Variants in MYO6 observed in about 807,000 individuals in gnomAD.
MYO6 encodes the protein myosin VI, also known as unconventional myosin-VI.
In MYO6, 74 loss-of-function variants were observed where a neutral mutation model predicts 178.7. The observed-to-expected ratio is 0.41, with a 90% confidence interval of 0.34 to 0.50. The LOEUF is 0.50. Ranked by LOEUF, MYO6 falls within the 20% of genes least tolerant of loss-of-function variation. MYO6 has a pLI of 0.09. For missense variants in MYO6, 1,330 were observed against 1,547.4 expected, an observed-to-expected ratio of 0.86 and a Z score of 2.36; for synonymous variants, 477 against 504.6, an observed-to-expected ratio of 0.95 and a Z score of 0.73.
chr6:75,855,362 A>G, intron 12 of MYO6, 79 bp downstream of exon 12: 1 of 1,427,684 alleles, frequency 7.0e-7, no homozygotes, highest in Non-Finnish European at 9.7e-7. Context: ...CATTCTGTTT[A>G]AAACCTGAGC....
chr6:75,841,408 G>A (rs1305198531), intron 9 of MYO6, 30 bp downstream of exon 9: 17 of 1,603,982 alleles, frequency 1.1e-5, no homozygotes, highest in Non-Finnish European at 1.4e-5. Context: ...ATTTCATATA[G>A]CCAGGTGCAG....
intron 20 of MYO6, among the ~76,000 whole-genome samples, chr6:75,879,340 G>C (rs975026043): frequency 6.6e-6 from 1 of 151,904 alleles, no homozygotes; most frequent in Non-Finnish European, 1.5e-5. Context: ...ACCTCCTTTG[G>C]CTCAGATGAT....
Position 75,770,135 on chromosome 6 carries a change from C to T in MYO6, c.-48+20712C>T, listed in dbSNP as rs115714617. On this transcript the variant is annotated intron_variant, in intron 1 of 34. Coordinates refer to ENST00000369977, the MANE Select transcript of MYO6 (RefSeq NM_004999.4). ...CTCTTGCTTCGTCTTCTTGCTTCTGCTCTCACCATGTAACACCACCCACTC... is the reference window on the plus strand; with the variant it reads ...CTCTTGCTTCGTCTTCTTGCTTCTGTTCTCACCATGTAACACCACCCACTC... 4.2e-3 allele frequency among the ~76,000 whole-genome samples: 643 copies of T among 152,310 alleles called. 8 individuals carry two copies. Among genetic ancestry groups the T allele is most frequent in the African/African-American group, 0.015 (606 of 41,562 alleles).
chr6:75,900,285 G>C, intron 30 of MYO6, among the ~76,000 whole-genome samples: 1 of 152,060 alleles, frequency 6.6e-6, no homozygotes, highest in Non-Finnish European at 1.5e-5. Context: ...GGTATTTCTA[G>C]TTCTAGATCC....
chr6:75,767,707 G>A (rs1424495944), intron 1 of MYO6, among the ~76,000 whole-genome samples: 1 of 151,538 alleles, frequency 6.6e-6, no homozygotes, highest in African/African-American at 2.4e-5. Context: ...TTGTAGTCAG[G>A]CTTTTGCCAT....
chr6:75,849,041 C>T (rs1269766278), intron 11 of MYO6, among the ~76,000 whole-genome samples: 1 of 152,168 alleles, frequency 6.6e-6, no homozygotes, highest in Non-Finnish European at 1.5e-5. Context: ...AGCAACTTTT[C>T]AACTCCAGTG....
In MYO6 at chr6:75,906,693, A is replaced by G. The variant is rs189706040; in HGVS notation, c.3177-912A>G. 2.8e-4 allele frequency among the ~76,000 whole-genome samples: 43 copies of G among 152,214 alleles called. 1 individual carries two copies. The highest frequency in any genetic ancestry group is 9.6e-4 in the African/African-American group (40 of 41,512). Reference sequence around the variant, plus strand: ...CCCTTCTCAAAAAAAACAAAAAACAAAAAACAAACAAAACGCAAAACCAAA... The same window carrying G: ...CCCTTCTCAAAAAAAACAAAAAACAGAAAACAAACAAAACGCAAAACCAAA... On this transcript the variant is annotated intron_variant, in intron 30 of 34. Coordinates refer to ENST00000369977, the MANE Select transcript of MYO6 (RefSeq NM_004999.4).
intron 1 of MYO6, among the ~76,000 whole-genome samples, chr6:75,813,352 G>A (rs1044787885): frequency 1.3e-5 from 2 of 152,146 alleles, no homozygotes; most frequent in Admixed American, 6.5e-5. Context: ...TACTGCCGAT[G>A]TTCACTCAAG....
At chr6:75,778,274 A>G (rs1322886164) in intron 1 of MYO6, among the ~76,000 whole-genome samples, 1 of 152,180 alleles carries the variant, frequency 6.6e-6, no homozygotes, top group Non-Finnish European at 1.5e-5. Context: ...GTATTGGCTT[A>G]GTGAATATAA....
chr6:75,782,231 T>C (rs1056804334), intron 1 of MYO6, among the ~76,000 whole-genome samples: 14 of 152,168 alleles, frequency 9.2e-5, no homozygotes, highest in African/African-American at 3.4e-4. Context: ...ATGCAATTAC[T>C]GTACACATTA....
At chr6:75,753,263 T>C (rs1777049098) in intron 1 of MYO6, among the ~76,000 whole-genome samples, 1 of 151,964 alleles carries the variant, frequency 6.6e-6, no homozygotes, top group African/African-American at 2.4e-5. Context: ...GAATTGTGCA[T>C]CTCAAGGATA....
intron 1 of MYO6, among the ~76,000 whole-genome samples, chr6:75,790,390 C>G (rs371912596): frequency 3.8e-5 from 3 of 79,884 alleles, no homozygotes; most frequent in Non-Finnish European, 7.8e-5. Context: ...TTTTTTTTTT[C>G]TTTTTGAGAT....
chr6:75,776,653 A>AGTGTGT (rs35830759), intron 1 of MYO6, among the ~76,000 whole-genome samples: 1,944 of 144,720 alleles, frequency 0.013, 29 homozygotes, highest in African/African-American at 0.042. Context: ...AGAAACGTGC[A>AGTGTGT]GTGTGTGTGT....
intron 1 of MYO6, among the ~76,000 whole-genome samples, chr6:75,809,828 C>T (rs1441960425): frequency 2.7e-5 from 4 of 149,774 alleles, no homozygotes; most frequent in Admixed American, 6.7e-5. Context: ...TTTGGGAGGC[C>T]GAGCCAGGTG....
chr6:75,895,491 C>T (rs1179994555), intron 29 of MYO6, among the ~76,000 whole-genome samples: 1 of 151,348 alleles, frequency 6.6e-6, no homozygotes, highest in African/African-American at 2.4e-5. Context: ...TAATGTAACA[C>T]CTATTTTGTT....
intron 1 of MYO6, among the ~76,000 whole-genome samples, chr6:75,753,455 G>GTGTGTGTGTGTATATA (rs370647728): frequency 2.1e-5 from 3 of 140,058 alleles, no homozygotes; most frequent in African/African-American, 8.1e-5. Flanking sequence ...GTGTGTGTGT[G>GTGTGTGTGTGTATATA]TATATATATA....
rs553875524 is a variant in MYO6, at chr6:75,892,101, A to G, written c.2947-429A>G. Reference sequence around the variant, plus strand: ...GAGTCTCTCTCCACCCCTAGTTTTTAAAAAGTCCCATGTTGAGAATAAATT... The same window carrying G: ...GAGTCTCTCTCCACCCCTAGTTTTTGAAAAGTCCCATGTTGAGAATAAATT... On this transcript the variant is annotated intron_variant, in intron 27 of 34. Transcript: ENST00000369977. 4.0e-3 allele frequency among the ~76,000 whole-genome samples: 616 copies of G among 152,336 alleles called. 6 individuals carry two copies. The highest frequency in any genetic ancestry group is 0.014 in the African/African-American group (590 of 41,570).
intron 1 of MYO6, among the ~76,000 whole-genome samples, chr6:75,789,684 G>A (rs1218073968): frequency 6.6e-6 from 1 of 152,040 alleles, no homozygotes; most frequent in African/African-American, 2.4e-5. Flanking sequence ...TTCAGTGCTT[G>A]TATATGTAGT....
chr6:75,865,720 G>A (rs1776610380), intron 16 of MYO6, among the ~76,000 whole-genome samples: 1 of 139,728 alleles, frequency 7.2e-6, no homozygotes, highest in Non-Finnish European at 1.7e-5. Flanking sequence ...GATCTTGTAA[G>A]TGAAAACATT....
Sources: allele counts gnomAD v4.1 joint callset (sites outside exome capture counted in the v4.1 genomes callset), GRCh38; gene constraint gnomAD v4.1.1; transcripts MANE v1.5; gene names NCBI Gene and HGNC (gene_info 2026-07-23, HGNC 2026-07-21).